ZNF618: variants seen among roughly 807,000 people sequenced by gnomAD.
ZNF618 encodes the protein zinc finger protein 618, also known as neural precursor cell expressed, developmentally down-regulated 10.
A neutral mutation model predicts 103.0 loss-of-function variants in ZNF618; 34 were observed. The observed-to-expected ratio is 0.33, with a 90% CI of 0.25 to 0.44. The LOEUF (loss-of-function observed/expected upper bound fraction) is 0.44. ZNF618 is among the 20% of genes least tolerant of loss of function. ZNF618 has a pLI of 1.00. For synonymous variants in ZNF618, 551 were observed against 542.2 expected, an observed-to-expected ratio of 1.02 and a Z score of -0.23; for missense variants, 1,059 against 1,295.4, an observed-to-expected ratio of 0.82 and a Z score of 2.80.
intron 11 of ZNF618, among the ~76,000 whole-genome samples, chr9:114,029,725 C>G (rs148362049): frequency 1.0e-3 from 153 of 152,324 alleles, no homozygotes; most frequent in Non-Finnish European, 1.7e-3. Flanking sequence ...TTGCCCTCCC[C>G]CTCTGTAGCA....
chr9:113,985,169 G>A (rs567249655), intron 2 of ZNF618, among the ~76,000 whole-genome samples: 1 of 152,360 alleles, frequency 6.6e-6, no homozygotes, highest in African/African-American at 2.4e-5. Context: ...TTGTTTGGAT[G>A]TGAAGACTGA....
chr9:113,902,108 A>C (rs1830610224), intron 1 of ZNF618, among the ~76,000 whole-genome samples: 2 of 151,982 alleles, frequency 1.3e-5, no homozygotes, highest in South Asian at 4.2e-4. Context: ...GAAGCTGCCT[A>C]CGTGAGGGTG....
At chr9:114,021,617 G>A (rs540621121) in intron 10 of ZNF618, among the ~76,000 whole-genome samples, 2 of 152,158 alleles carry the variant, frequency 1.3e-5, no homozygotes, top group East Asian at 3.9e-4. Flanking sequence ...GTTATTTAAA[G>A]TGTACAGTTT....
intron 1 of ZNF618, among the ~76,000 whole-genome samples, chr9:113,923,987 T>A (rs1481963884): frequency 2.0e-5 from 3 of 152,098 alleles, no homozygotes; most frequent in African/African-American, 7.2e-5. Context: ...GGATTTAAGA[T>A]GTTTGGATTA....
chr9:114,041,809 C>T (rs1033919688), intron 13 of ZNF618, among the ~76,000 whole-genome samples: 2 of 152,160 alleles, frequency 1.3e-5, no homozygotes, highest in Admixed American at 6.5e-5. Context: ...CTTGGCAATG[C>T]GGGCTCTTTT....
chr9:114,040,665 C>A (rs1390021880), intron 13 of ZNF618, among the ~76,000 whole-genome samples: 219 of 130,370 alleles, frequency 1.7e-3, no homozygotes, highest in South Asian at 4.1e-3. Context: ...TGAACTCATC[C>A]TTTTTTATGG....
chr9:113,968,824 G>T (rs1837674427), intron 1 of ZNF618, among the ~76,000 whole-genome samples: 1 of 152,206 alleles, frequency 6.6e-6, no homozygotes, highest in Non-Finnish European at 1.5e-5. Flanking sequence ...GATTTAGCTG[G>T]TTACTTACTT....
In ZNF618 at chr9:114,048,974, G is replaced by A. The variant is rs1312000189; in HGVS notation, c.1672G>A (p.Val558Ile). The A allele has an allele frequency of 6.2e-7, 1 of 1,613,004 alleles. No homozygotes were observed. The highest frequency in any genetic ancestry group is 1.7e-5 in the Admixed American group (1 of 59,878). Reference protein sequence around the residue: ...GIGVTCHSQSVGPDSCYILTA... With the variant: ...GIGVTCHSQSIGPDSCYILTA... Reference sequence around the variant, plus strand: ...CGGTGTCACCTGCCACTCCCAGAGTGTTGGCCCTGACTCCTGCTACATCCT... The same window carrying A: ...CGGTGTCACCTGCCACTCCCAGAGTATTGGCCCTGACTCCTGCTACATCCT... The change falls in exon 15 of 15, where the codon GTT becomes ATT. Residue 558 changes from valine to isoleucine, a missense_variant. Val to Ile is a conservative substitution (Grantham distance 29). Transcript: ENST00000374126.
chr9:114,043,303 A>C (rs1312121741), intron 13 of ZNF618, among the ~76,000 whole-genome samples: 1 of 152,242 alleles, frequency 6.6e-6, no homozygotes, highest in Non-Finnish European at 1.5e-5. Flanking sequence ...AGGAATTGCC[A>C]GATTGTTTCC....
At chr9:113,889,350 T>TCTCTCTCCCTCCCTCC (rs1191014933) in intron 1 of ZNF618, among the ~76,000 whole-genome samples, 1 of 148,360 alleles carries the variant, frequency 6.7e-6, no homozygotes, top group Non-Finnish European at 1.5e-5. Flanking sequence ...TCTCTCTTTC[T>TCTCTCTCCCTCCCTCC]CTCCCTCCCT....
At chr9:114,040,518 C>A (rs1845058499) in intron 13 of ZNF618, among the ~76,000 whole-genome samples, 1 of 152,012 alleles carries the variant, frequency 6.6e-6, no homozygotes, top group South Asian at 2.1e-4. Flanking sequence ...GTGTGATGTT[C>A]CCCTTCCTGT....
At chr9:114,011,878 A>T (rs1007190904) in intron 9 of ZNF618, among the ~76,000 whole-genome samples, 6 of 152,216 alleles carry the variant, frequency 3.9e-5, no homozygotes, top group Non-Finnish European at 8.8e-5. Flanking sequence ...TCATCTGCAT[A>T]TCCAAGAATT....
At position 114,052,931 on chromosome 9, in the gene ZNF618, A is replaced by G. The variant is rs1037244068; in HGVS notation, c.*2764A>G. ...TCCCTTTCACTTCTTTTCCACCTCA[A>G]TTCAATACTTAGGGGTTGGCTTGCC... On this transcript the variant is annotated 3_prime_UTR_variant, in exon 15 of 15. Transcript: ENST00000374126. 10 of 152,146 alleles carry G rather than the reference A, an allele frequency of 6.6e-5. No homozygotes were observed. Among genetic ancestry groups the G allele is most frequent in the African/African-American group, 2.4e-4 (10 of 41,422 alleles). 9.4% of individuals were successfully genotyped at this position (152,146 alleles called of 1,614,324 possible). A position where few individuals can be genotyped will look rare whatever the true frequency, so the allele number is the denominator to read the frequency against.
chr9:114,030,509 C>T (rs1352981987), intron 11 of ZNF618, among the ~76,000 whole-genome samples: 4 of 152,144 alleles, frequency 2.6e-5, no homozygotes, highest in Non-Finnish European at 4.4e-5. Flanking sequence ...GGTACGTGGC[C>T]GGTCTCCAGC....
At chr9:113,879,141 C>T (rs754437508) in intron 1 of ZNF618, among the ~76,000 whole-genome samples, 4 of 147,884 alleles carry the variant, frequency 2.7e-5, no homozygotes, top group South Asian at 2.1e-4. Context: ...CTGAGTTTAG[C>T]AGTGATGAAG....
intron 1 of ZNF618, among the ~76,000 whole-genome samples, chr9:113,896,814 C>T (rs1274908833): frequency 6.6e-6 from 1 of 152,022 alleles, no homozygotes; most frequent in Non-Finnish European, 1.5e-5. Context: ...AGTATACCTG[C>T]CTGCTACATT....
intron 1 of ZNF618, among the ~76,000 whole-genome samples, chr9:113,881,488 A>T (rs1306529695): frequency 6.6e-6 from 1 of 152,202 alleles, no homozygotes; most frequent in African/African-American, 2.4e-5. Flanking sequence ...TCATCAAGCC[A>T]TCCATATGAA....
intron 1 of ZNF618, among the ~76,000 whole-genome samples, chr9:113,938,387 C>G (rs1834224136): frequency 6.6e-6 from 1 of 151,168 alleles, no homozygotes; most frequent in Admixed American, 6.6e-5. Flanking sequence ...TACTATGTTG[C>G]CTGGTTTTGT....
Position 113,998,384 on chromosome 9 carries a change from T to G in ZNF618, c.433+30T>G, listed in dbSNP as rs939652028. On this transcript the variant is annotated intron_variant, in intron 4 of 14. Coordinates refer to ENST00000374126, the MANE Select transcript of ZNF618 (RefSeq NM_001318042.2). The stretch of plus-strand genomic sequence containing the variant: ...GTGATGGCCAAGGGGTAGTGCCTGA[T>G]CCGGGGCCAGTATGGGTGGGGGCAC... 2.5e-5 allele frequency: 39 copies of G among 1,539,600 alleles called. No homozygotes were observed. The Admixed American group carries it at 7.3e-4, about 29-fold the overall frequency.
Sources: gnomAD v4.1 joint callset for allele counts (sites outside exome capture counted in the v4.1 genomes callset) on GRCh38, gnomAD v4.1.1 for gene constraint, MANE v1.5 for transcripts, NCBI Gene and HGNC (gene_info 2026-07-23, HGNC 2026-07-21) for gene names.